The following KLKB1 variants were observed in gnomAD, a reference collection of about 807,000 sequenced individuals.
KLKB1 encodes kallikrein B1.
In KLKB1, 58 loss-of-function variants were observed where a neutral mutation model predicts 73.6. The observed-to-expected ratio is 0.79, with a 90% CI of 0.64 to 0.98. The LOEUF (loss-of-function observed/expected upper bound fraction) is 0.98. KLKB1 is among the 50% of genes least tolerant of loss of function. The pLI is 0.00. For missense variants in KLKB1, 737 were observed against 763.8 expected (o/e 0.96, Z 0.41); for synonymous variants, 280 against 258.1 (o/e 1.08, Z -0.81).
intron 2 of KLKB1, chr4:186,212,891 G>A (rs956664315): frequency 3.3e-5 from 5 of 152,100 alleles, no homozygotes; most frequent in Admixed American, 2.0e-4. Flanking sequence ...AAAAAGTCAA[G>A]GAAGGAGGTG....
chr4:186,250,119 A>G, intron 6 of KLKB1, 124 bp from the exon 7 acceptor site: 3 of 1,026,984 alleles, frequency 2.9e-6, no homozygotes, highest in East Asian at 2.4e-5. Context: ...ACATTTTTTC[A>G]CTTAGGATGT....
chr4:186,240,387 G>T (rs1737965455), intron 6 of KLKB1, among the ~76,000 whole-genome samples: 1 of 152,086 alleles, frequency 6.6e-6, no homozygotes, highest in Non-Finnish European at 1.5e-5. Context: ...TATAGTTATA[G>T]GTACAGTGAT....
chr4:186,248,478 G>A (rs140653887), intron 6 of KLKB1, among the ~76,000 whole-genome samples: 95 of 151,636 alleles, frequency 6.3e-4, no homozygotes, highest in African/African-American at 2.3e-3. Flanking sequence ...AGGCTCATTC[G>A]TATTCTAGCA....
chr4:186,225,834 T>C (rs1421825742), upstream of KLKB1, among the ~76,000 whole-genome samples: 1 of 152,150 alleles, frequency 6.6e-6, no homozygotes, highest in African/African-American at 2.4e-5. Context: ...TTTTCTATTC[T>C]TATTTTTTTA....
rs1204503593 is a variant in KLKB1, at chr4:186,254,844, C to G, written c.1489+81C>G. ...TATCAGTTTGAACAAGAGGGCAGAC[C>G]TAGAGAGACTGTCGTCGTTTTCTGA... On this transcript the variant is annotated intron_variant, in intron 12 of 14. Coordinates refer to ENST00000264690, the MANE Select transcript of KLKB1 (RefSeq NM_000892.5). The G allele has an allele frequency of 6.3e-6, 8 of 1,261,812 alleles. No homozygotes were observed. In the African/African-American group the frequency reaches 1.2e-4, roughly 19 times the overall value. The allele number at this position is 1,261,812 out of a possible 1,614,324, so 78.2% of individuals were successfully genotyped here.
In KLKB1 at chr4:186,238,289, A is replaced by G. The variant is rs765358047; in HGVS notation, c.522A>G (p.Gly174=). 2 of 1,613,762 alleles carry G rather than the reference A, an allele frequency of 1.2e-6. No homozygotes were observed. Among genetic ancestry groups the G allele is most frequent in the Non-Finnish European group, 8.5e-7 (1 of 1,179,708 alleles). Reference sequence around the variant, plus strand: ...GCCTATTAAAGTACAGTCCCGGAGGAACACCTACCGCTATAAAGGTGCTGA... The same window carrying G: ...GCCTATTAAAGTACAGTCCCGGAGGGACACCTACCGCTATAAAGGTGCTGA... ...NNCLLKYSPG[G]TPTAIKVLSN... is the part of the protein sequence containing the mutation. The change falls in exon 6 of 15, where the codon GGA becomes GGG. Residue 174 remains glycine, a synonymous_variant. Coordinates refer to ENST00000264690, the MANE Select transcript of KLKB1 (RefSeq NM_000892.5).
At chr4:186,222,658 C>G (rs1379726387), upstream of KLKB1, among the ~76,000 whole-genome samples, 1 of 152,094 alleles carries the variant, frequency 6.6e-6, no homozygotes, top group African/African-American at 2.4e-5. Flanking sequence ...TGTTTTTTAA[C>G]TTTTATACTA....
chr4:186,236,762 A>G lies in KLKB1; in HGVS notation c.329-19A>G, dbSNP rs907257237. 7 of 1,613,052 alleles carry G rather than the reference A, an allele frequency of 4.3e-6. No individual in the cohort carries two copies. The African/African-American group carries it at 6.7e-5, about 15-fold the overall frequency. On this transcript the variant is annotated intron_variant, in intron 4 of 14. Transcript: ENST00000264690. Reference sequence around the variant, plus strand: ...AAAGAAAATGGACTGTATTTGCTCTATGTATTTTTCTTGTACAGCTTGCCA... The same window carrying G: ...AAAGAAAATGGACTGTATTTGCTCTGTGTATTTTTCTTGTACAGCTTGCCA...
upstream of KLKB1, among the ~76,000 whole-genome samples, chr4:186,221,648 G>A (rs1737034875): frequency 6.6e-6 from 1 of 152,006 alleles, no homozygotes; most frequent in Non-Finnish European, 1.5e-5. Context: ...ATTATGGTTG[G>A]AAAAGATACT....
At chr4:186,257,744 AGTGTGTGTGTGTGTGTGT>A (rs67371055) in intron 14 of KLKB1, among the ~76,000 whole-genome samples, 2 of 147,208 alleles carry the variant, frequency 1.4e-5, no homozygotes, top group Non-Finnish European at 1.5e-5. Context: ...AGAAAGAGTG[AGTGTGTGTGTGTGTGTGT>A]GTGTGTGTGT....
At chr4:186,228,057 C>G in intron 1 of KLKB1, 138 bp from the exon 2 acceptor site, 2 of 629,042 alleles carry the variant, frequency 3.2e-6, no homozygotes, top group Non-Finnish European at 5.7e-6. Flanking sequence ...AAAAAAAAAC[C>G]CTTGTTTTCT....
At chr4:186,224,710 T>C (rs1737113540), upstream of KLKB1, among the ~76,000 whole-genome samples, 3 of 152,222 alleles carry the variant, frequency 2.0e-5, no homozygotes, top group South Asian at 6.2e-4. Context: ...AATGAGACTT[T>C]GGACTCGGAC....
intron 3 of KLKB1, among the ~76,000 whole-genome samples, chr4:186,232,843 A>G (rs4253245): frequency 5.8e-4 from 89 of 152,166 alleles, no homozygotes; most frequent in African/African-American, 7.9e-4. Flanking sequence ...GTGTGTGTGT[A>G]TGTGTGCTTG....
In KLKB1 at chr4:186,239,379, G is replaced by A. The variant is rs190683315; in HGVS notation, c.598+1014G>A. ...GTACAGTGATACTGTTAGAGTTATA[G>A]GTACAGTGATATAGGACAGTGATAT... On this transcript the variant is annotated intron_variant, in intron 6 of 14. Coordinates refer to ENST00000264690, the MANE Select transcript of KLKB1 (RefSeq NM_000892.5). 2.0e-3 allele frequency among the ~76,000 whole-genome samples: 305 copies of A among 150,306 alleles called. 14 individuals carry two copies. The highest frequency in any genetic ancestry group is 0.019 in the Admixed American group (275 of 14,776).
intron 2 of KLKB1, chr4:186,213,113 A>G (rs922811502): frequency 1.3e-5 from 2 of 152,156 alleles, no homozygotes; most frequent in Non-Finnish European, 2.9e-5. Flanking sequence ...GTTTAATGTT[A>G]CCTTTTGGCT....
At chr4:186,250,563 C>T (rs1738617108) in intron 7 of KLKB1, 161 bp downstream of exon 7, 1 of 782,608 alleles carries the variant, frequency 1.3e-6, no homozygotes. Context: ...CTGCCAGGTG[C>T]AGATTAGTTA....
At chr4:186,227,793 G>T in intron 1 of KLKB1, among the ~76,000 whole-genome samples, 1 of 152,090 alleles carries the variant, frequency 6.6e-6, no homozygotes, top group East Asian at 1.9e-4. Flanking sequence ...ATTTTTAAAT[G>T]GGCTTTAATA....
chr4:186,247,996 C>T (rs1277681987), intron 6 of KLKB1, among the ~76,000 whole-genome samples: 1 of 152,172 alleles, frequency 6.6e-6, no homozygotes, highest in Non-Finnish European at 1.5e-5. Context: ...GCCTGTAATC[C>T]CAGCACTTTG....
rs1156565818 is a variant in KLKB1, at chr4:186,233,964, C to A, written c.234C>A (p.Phe78Leu). Residue 78 changes from phenylalanine (F) to leucine (L), a missense_variant, in exon 4 of 15, where the codon TTC becomes TTA. By Grantham distance (22) the Phe-to-Leu change is conservative. Transcript: ENST00000264690. ...ACTTTTAAAATAGGTTTGGTTGCTT[C>A]TTGAAAGATAGTGTTACAGGAACCC... ...INDMEKRFGC[F>L]LKDSVTGTLP... The A allele has an allele frequency of 1.9e-6, 3 of 1,613,354 alleles. No homozygotes were observed. The highest frequency in any genetic ancestry group is 2.5e-6 in the Non-Finnish European group (3 of 1,179,300).
Sources: gnomAD v4.1 joint callset for allele counts (sites outside exome capture counted in the v4.1 genomes callset) on GRCh38, gnomAD v4.1.1 for gene constraint, MANE v1.5 for transcripts, NCBI Gene and HGNC (gene_info 2026-07-23, HGNC 2026-07-21) for gene names.